TENM2: variants seen among roughly 807,000 people sequenced by gnomAD.
The protein encoded by TENM2 is teneurin-2.
A neutral mutation model predicts 245.2 loss-of-function variants in TENM2; 52 were observed. The observed-to-expected ratio is 0.21, with a 90% CI of 0.17 to 0.27. TENM2 has a LOEUF of 0.27. TENM2 is among the 10% of genes least tolerant of loss of function. The pLI is 1.00. For missense variants in TENM2, 3,046 were observed against 3,666.8 expected, an observed-to-expected ratio of 0.83 and a Z score of 4.37; for synonymous variants, 1,363 against 1,438.9, an observed-to-expected ratio of 0.95 and a Z score of 1.19.
At chr5:166,981,175 G>A in the TENM2 span, among the ~76,000 whole-genome samples, 372 of 152,278 alleles carry the variant, frequency 2.4e-3, 3 homozygotes, top group African/African-American at 8.4e-3. Flanking sequence ...TTAAAATTGT[G>A]AACAGAATTC....
At chr5:167,341,711 GA>G in intron 1 of TENM2, among the ~76,000 whole-genome samples, 1 of 151,374 alleles carries the variant, frequency 6.6e-6, no homozygotes, top group East Asian at 1.9e-4. Context: ...ATTTTATATA[GA>G]ATATATATTT....
intron 7 of TENM2, among the ~76,000 whole-genome samples, chr5:168,078,768 T>C (rs1791707664): frequency 6.6e-6 from 1 of 152,226 alleles, no homozygotes; most frequent in African/African-American, 2.4e-5. Flanking sequence ...CTGAGGGCTC[T>C]ATTCTGTTCC....
chr5:167,915,153 G>T (rs751336099), intron 3 of TENM2, among the ~76,000 whole-genome samples: 1 of 152,154 alleles, frequency 6.6e-6, no homozygotes, highest in African/African-American at 2.4e-5. Flanking sequence ...GGGATGAGAA[G>T]ATGATAGTGT....
At chr5:167,658,947 T>C (rs1002075802) in intron 2 of TENM2, among the ~76,000 whole-genome samples, 4 of 152,218 alleles carry the variant, frequency 2.6e-5, no homozygotes, top group African/African-American at 9.6e-5. Context: ...TTAATTGTTT[T>C]GTGAAAATAA....
At chr5:168,103,333 G>T (rs1793975734) in intron 9 of TENM2, among the ~76,000 whole-genome samples, 1 of 152,160 alleles carries the variant, frequency 6.6e-6, no homozygotes, top group Admixed American at 6.5e-5. Context: ...GTAACTCAAA[G>T]ATCAAAACCA....
the TENM2 span, among the ~76,000 whole-genome samples, chr5:167,084,173 C>G: frequency 1.3e-5 from 2 of 150,706 alleles, no homozygotes; most frequent in Admixed American, 6.6e-5. Flanking sequence ...CACACTTTCT[C>G]AAGTTCCCTG....
chr5:167,262,164 G>C, the TENM2 span, among the ~76,000 whole-genome samples: 1 of 152,140 alleles, frequency 6.6e-6, no homozygotes, highest in African/African-American at 2.4e-5. Flanking sequence ...TATCAGACCA[G>C]CCTGACCAAC....
At chr5:168,235,399 C>T (rs1285429090) in intron 25 of TENM2, among the ~76,000 whole-genome samples, 1 of 152,204 alleles carries the variant, frequency 6.6e-6, no homozygotes, top group Non-Finnish European at 1.5e-5. Context: ...GCAAACATTA[C>T]TTTTGGGTGG....
the TENM2 span, among the ~76,000 whole-genome samples, chr5:167,164,503 A>G: frequency 1.3e-5 from 2 of 152,206 alleles, no homozygotes; most frequent in African/African-American, 4.8e-5. Flanking sequence ...GACCTCGTTT[A>G]CTATGGGAAC....
intron 1 of TENM2, among the ~76,000 whole-genome samples, chr5:167,350,039 A>C (rs981678868): frequency 6.6e-6 from 1 of 152,224 alleles, no homozygotes; most frequent in African/African-American, 2.4e-5. Context: ...AATTATATCA[A>C]TATGGACTCA....
At chr5:167,381,517 G>T (rs2127334684) in intron 2 of TENM2, among the ~76,000 whole-genome samples, 1 of 152,256 alleles carries the variant, frequency 6.6e-6, no homozygotes, top group East Asian at 1.9e-4. Flanking sequence ...TTAAAAGTAA[G>T]AGATTTTATA....
the TENM2 span, among the ~76,000 whole-genome samples, chr5:167,088,085 G>A: frequency 6.6e-6 from 1 of 152,102 alleles, no homozygotes; most frequent in Admixed American, 6.6e-5. Flanking sequence ...CCTGCACCCA[G>A]CCATGGAGCA....
Position 167,458,501 on chromosome 5 carries a change from A to C in TENM2, c.502+83028A>C, listed in dbSNP as rs948584551. 1.5e-4 allele frequency among the ~76,000 whole-genome samples: 21 copies of C among 141,748 alleles called. 1 individual carries two copies. The highest frequency in any genetic ancestry group is 3.5e-3 in the Middle Eastern group (1 of 286). 93.0% of individuals were successfully genotyped at this position (141,748 alleles called of 152,430 possible). A position where few individuals can be genotyped will look rare whatever the true frequency, so the allele number is the denominator to read the frequency against. ...GACTCCGTCTCAAAAAAACAAAAAAAAAAAAAAAAAAAAAAGACATTTTTG... is the reference window on the plus strand; with the variant it reads ...GACTCCGTCTCAAAAAAACAAAAAACAAAAAAAAAAAAAAAGACATTTTTG... On this transcript the variant is annotated intron_variant, in intron 2 of 28. Transcript: ENST00000518659.
chr5:167,691,342 TA>T (rs1757419168), intron 2 of TENM2, among the ~76,000 whole-genome samples: 1 of 151,920 alleles, frequency 6.6e-6, no homozygotes. Context: ...GGCTCATGAG[TA>T]GAAAAAAATA....
At chr5:167,813,551 T>G (rs1766805581) in intron 2 of TENM2, among the ~76,000 whole-genome samples, 1 of 152,068 alleles carries the variant, frequency 6.6e-6, no homozygotes, top group Admixed American at 6.6e-5. Flanking sequence ...TGGCAGCATT[T>G]TTTTTCCTCT....
chr5:167,226,121 C>A, the TENM2 span, among the ~76,000 whole-genome samples: 3 of 151,652 alleles, frequency 2.0e-5, no homozygotes, highest in Admixed American at 6.6e-5. Flanking sequence ...CTTTTTTGAT[C>A]ATTTGTATTG....
At chr5:167,475,863 G>A (rs1767337427) in intron 2 of TENM2, among the ~76,000 whole-genome samples, 1 of 152,076 alleles carries the variant, frequency 6.6e-6, no homozygotes, top group Non-Finnish European at 1.5e-5. Context: ...ATTCTATGGT[G>A]TATATGTGCC....
intron 2 of TENM2, among the ~76,000 whole-genome samples, chr5:167,445,253 C>T (rs1183256288): frequency 6.7e-6 from 1 of 149,628 alleles, no homozygotes; most frequent in Admixed American, 6.7e-5. Context: ...GTAAGCCAAT[C>T]ATGTTTGTTC....
At chr5:168,207,698 G>C (rs1412986323) in intron 19 of TENM2, among the ~76,000 whole-genome samples, 4 of 152,076 alleles carry the variant, frequency 2.6e-5, no homozygotes, top group Non-Finnish European at 5.9e-5. Context: ...TTGTAAGTTG[G>C]CAGCTGAATG....
Sources: gnomAD v4.1 joint callset for allele counts (sites outside exome capture counted in the v4.1 genomes callset) on GRCh38, gnomAD v4.1.1 for gene constraint, MANE v1.5 for transcripts, NCBI Gene and HGNC (gene_info 2026-07-23, HGNC 2026-07-21) for gene names.